MEP1A: variants seen among roughly 807,000 people sequenced by gnomAD.
The protein encoded by MEP1A is meprin A subunit alpha.
A neutral mutation model predicts 84.5 loss-of-function variants in MEP1A; 68 were observed. The observed-to-expected ratio is 0.80, with a 90% CI of 0.66 to 0.98. The LOEUF (loss-of-function observed/expected upper bound fraction) is 0.98, where lower values mean the gene tolerates loss of function less well. Ranked by LOEUF, MEP1A falls within the 50% of genes least tolerant of loss-of-function variation. The pLI is 0.00. For missense variants in MEP1A, 887 were observed against 919.9 expected, an observed-to-expected ratio of 0.96 and a Z score of 0.46; for synonymous variants, 337 against 336.8, an observed-to-expected ratio of 1.00 and a Z score of -0.01.
At chr6:46,832,424 G>T (rs1768098518) in intron 10 of MEP1A, among the ~76,000 whole-genome samples, 1 of 152,272 alleles carries the variant, frequency 6.6e-6, no homozygotes, top group South Asian at 2.1e-4. Context: ...TCTAGTTCAT[G>T]CTCAGAGAAA....
At chr6:46,809,740 A>T (rs899940463) in intron 6 of MEP1A, among the ~76,000 whole-genome samples, 1 of 152,032 alleles carries the variant, frequency 6.6e-6, no homozygotes, top group Non-Finnish European at 1.5e-5. Flanking sequence ...CTCCAACTCC[A>T]TCCAGGTTGC....
chr6:46,816,247 G>A (rs965688155), intron 6 of MEP1A, among the ~76,000 whole-genome samples: 4 of 152,084 alleles, frequency 2.6e-5, no homozygotes, highest in Non-Finnish European at 2.9e-5. Flanking sequence ...ATGAGCCACC[G>A]CGCCCGGCCT....
intron 3 of MEP1A, among the ~76,000 whole-genome samples, chr6:46,797,812 T>C (rs1305368004): frequency 1.1e-4 from 8 of 72,806 alleles, no homozygotes; most frequent in South Asian, 5.5e-4. Context: ...CTTTCTTTCT[T>C]TCTTTCTTTC....
intron 6 of MEP1A, among the ~76,000 whole-genome samples, chr6:46,815,063 C>T (rs758043380): frequency 4.6e-4 from 70 of 152,176 alleles, no homozygotes; most frequent in Non-Finnish European, 8.8e-5. Context: ...GCATCAGCTA[C>T]GGTCCTATAG....
intron 5 of MEP1A, among the ~76,000 whole-genome samples, chr6:46,799,793 T>C (rs1300482918): frequency 6.6e-6 from 1 of 152,164 alleles, no homozygotes; most frequent in African/African-American, 2.4e-5. Context: ...TAAGTAAATA[T>C]TAGAAGCCAC....
chr6:46,843,378 C>G (rs934970929), downstream of MEP1A, among the ~76,000 whole-genome samples: 71 of 152,298 alleles, frequency 4.7e-4, no homozygotes, highest in African/African-American at 1.7e-3. Context: ...GAGTTCTAGT[C>G]TAAGGTTCTA....
chr6:46,825,854 G>T (rs1002332932), intron 8 of MEP1A, among the ~76,000 whole-genome samples: 1 of 152,140 alleles, frequency 6.6e-6, no homozygotes, highest in Non-Finnish European at 1.5e-5. Flanking sequence ...CTTTTGGAGG[G>T]TGCATTATTA....
At chr6:46,809,028 A>G (rs1455260373) in intron 5 of MEP1A, among the ~76,000 whole-genome samples, 1 of 151,982 alleles carries the variant, frequency 6.6e-6, no homozygotes, top group African/African-American at 2.4e-5. Context: ...AGCTACTCAC[A>G]AGCCACTTCT....
chr6:46,814,616 G>T (rs1331574495), intron 6 of MEP1A, among the ~76,000 whole-genome samples: 1 of 152,138 alleles, frequency 6.6e-6, no homozygotes, highest in Non-Finnish European at 1.5e-5. Context: ...CAGTGTTAAA[G>T]AATCTTGTTT....
At chr6:46,816,166 GACCTCAGGTAATCGGCCC>G (rs1340456408) in intron 6 of MEP1A, among the ~76,000 whole-genome samples, 2 of 152,050 alleles carry the variant, frequency 1.3e-5, no homozygotes, top group Non-Finnish European at 2.9e-5. Context: ...TTGAACTCCT[GACCTCAGGTAATCGGCCC>G]ACCTCAACCT....
chr6:46,793,963 TA>T, intron 3 of MEP1A, among the ~76,000 whole-genome samples: 1 of 152,330 alleles, frequency 6.6e-6, no homozygotes, highest in Middle Eastern at 3.4e-3. Context: ...TTTCTCTTTA[TA>T]AAAATTTTAT....
chr6:46,836,870 G>A (rs1768228128), intron 13 of MEP1A, among the ~76,000 whole-genome samples: 1 of 150,468 alleles, frequency 6.6e-6, no homozygotes, highest in Non-Finnish European at 1.5e-5. Flanking sequence ...GATTAGTAAA[G>A]ATGTGCTATG....
intron 3 of MEP1A, among the ~76,000 whole-genome samples, chr6:46,797,974 T>G (rs912457841): frequency 5.4e-5 from 8 of 148,426 alleles, no homozygotes; most frequent in African/African-American, 1.7e-4. Flanking sequence ...TTCTTCCTCT[T>G]TCTTTTTTTG....
At chr6:46,820,061 G>C (rs1213485718) in intron 7 of MEP1A, among the ~76,000 whole-genome samples, 1 of 152,182 alleles carries the variant, frequency 6.6e-6, no homozygotes, top group Non-Finnish European at 1.5e-5. Context: ...GAAATCTCCT[G>C]TGCCTCTAGA....
At chr6:46,799,245 C>T in intron 5 of MEP1A, 64 bp downstream of exon 5, 1 of 1,107,516 alleles carries the variant, frequency 9.0e-7, no homozygotes, top group Non-Finnish European at 1.4e-6. Flanking sequence ...TCAGCCTGTC[C>T]ATGGGCTTCA....
At chr6:46,823,237 G>C (rs916338012) in intron 7 of MEP1A, among the ~76,000 whole-genome samples, 3 of 152,134 alleles carry the variant, frequency 2.0e-5, no homozygotes, top group Non-Finnish European at 4.4e-5. Flanking sequence ...CTGGAGCATC[G>C]CCTGGCCACA....
At chr6:46,842,783 G>C (rs76197461), downstream of MEP1A, among the ~76,000 whole-genome samples, 835 of 152,166 alleles carry the variant, frequency 5.5e-3, 5 homozygotes, top group African/African-American at 0.019. Context: ...CAGCTTAGGG[G>C]ACATAACGGA....
chr6:46,805,465 T>C (rs1483113608), intron 5 of MEP1A, among the ~76,000 whole-genome samples: 1 of 151,974 alleles, frequency 6.6e-6, no homozygotes, highest in Admixed American at 6.6e-5. Flanking sequence ...TTATAAAATA[T>C]CTGCTCTGTT....
intron 6 of MEP1A, among the ~76,000 whole-genome samples, chr6:46,810,166 G>A (rs1054230732): frequency 7.2e-5 from 11 of 151,988 alleles, no homozygotes; most frequent in Admixed American, 6.6e-4. Flanking sequence ...ATTTCTGCAA[G>A]AGTAAGGTCG....
Sources: gnomAD v4.1 joint callset for allele counts (sites outside exome capture counted in the v4.1 genomes callset) on GRCh38, gnomAD v4.1.1 for gene constraint, MANE v1.5 for transcripts, NCBI Gene and HGNC (gene_info 2026-07-23, HGNC 2026-07-21) for gene names.